URB1: variants seen among roughly 807,000 people sequenced by gnomAD.
The protein encoded by URB1 is nucleolar pre-ribosomal-associated protein 1.
A neutral mutation model predicts 242.3 loss-of-function variants in URB1; 197 were observed. The ratio of observed to expected loss-of-function variants is 0.81; its 90% CI spans 0.72 to 0.91. The LOEUF (loss-of-function observed/expected upper bound fraction) is 0.91, where lower values mean the gene tolerates loss of function less well. URB1 is among the 40% of genes least tolerant of loss of function. The probability of loss-of-function intolerance (pLI) is 0.00; values close to 1 mark genes in which losing one functional copy is unlikely to be tolerated. For missense variants in URB1, 2,721 were observed against 2,860.5 expected (o/e 0.95, Z 1.11); for synonymous variants, 1,153 against 1,201.8 (o/e 0.96, Z 0.84).
Position 32,325,383 on chromosome 21 carries a change from A to C in URB1, c.4967T>G (p.Val1656Gly). The C allele has an allele frequency of 1.3e-6, 2 of 1,549,524 alleles. No individual in the cohort carries two copies. Among genetic ancestry groups the C allele is most frequent in the South Asian group, 1.2e-5 (1 of 83,998 alleles). The stretch of plus-strand genomic sequence containing the variant: ...ATCCAAAAATTTTCGACAATCCACC[A>C]CAAACTCTGCAGGAAATGAAATACA... ...LFSELTRPEF[V>G]VDCRKFLDSN... The change falls in exon 31 of 39, where the codon GTG becomes GGG. Residue 1656 changes from valine to glycine, a missense_variant. Physicochemically the swap from Val to Gly is moderately radical, Grantham distance 109 (BLOSUM62 -3). Coordinates refer to ENST00000382751, the MANE Select transcript of URB1 (RefSeq NM_014825.3).
rs1466234508 is a variant in URB1 at position 32,349,484 on chromosome 21, C to G, written c.2833-1G>C. On this transcript the variant is annotated splice_acceptor_variant, in intron 20 of 38. Coordinates refer to ENST00000382751, the MANE Select transcript of URB1 (RefSeq NM_014825.3). LOFTEE classifies it high-confidence loss of function. ...GGGGCGGGCCCACACTTCTGCCCAG[C>G]TGTGAGGACAAGAGCACGAGCCTCA... is the stretch of plus-strand genomic sequence containing the variant. 4 of 1,543,880 alleles carry G rather than the reference C, an allele frequency of 2.6e-6. No individual in the cohort carries two copies. The highest frequency in any genetic ancestry group is 3.5e-6 in the Non-Finnish European group (4 of 1,144,186).
At chr21:32,382,394 A>AT (rs2033536611) in intron 4 of URB1, among the ~76,000 whole-genome samples, 1 of 152,172 alleles carries the variant, frequency 6.6e-6, no homozygotes, top group Admixed American at 6.5e-5. Flanking sequence ...AAGACCTGGA[A>AT]TTTTTTTCCT....
chr21:32,360,985 T>C, intron 13 of URB1, 22 bp downstream of exon 13: 1 of 1,511,022 alleles, frequency 6.6e-7, no homozygotes, highest in Non-Finnish European at 8.9e-7. Flanking sequence ...TGGCGGCTTG[T>C]CTGCAAGACC....
At chr21:32,353,799 C>G in intron 18 of URB1, 134 bp downstream of exon 18, 1 of 1,077,536 alleles carries the variant, frequency 9.3e-7, no homozygotes, top group Non-Finnish European at 1.3e-6. Flanking sequence ...GGGTAGCTAT[C>G]ACTCTGGGGG....
At chr21:32,320,224 T>C (rs2032748414) in intron 35 of URB1, among the ~76,000 whole-genome samples, 1 of 150,998 alleles carries the variant, frequency 6.6e-6, no homozygotes, top group Non-Finnish European at 1.5e-5. Context: ...CGGGGAGGAG[T>C]CTGACCTGTG....
chr21:32,354,195 C>CAAAA, intron 17 of URB1, 92 bp from the exon 18 acceptor site: 1 of 1,454,674 alleles, frequency 6.9e-7, no homozygotes, highest in Non-Finnish European at 9.2e-7. Flanking sequence ...AGAATACGTG[C>CAAAA]AAAAAGAAAA....
At chr21:32,346,373 A>G (rs2033086242) in intron 22 of URB1, among the ~76,000 whole-genome samples, 2 of 152,234 alleles carry the variant, frequency 1.3e-5, no homozygotes, top group South Asian at 4.1e-4. Context: ...CTTGCAGGGC[A>G]CTGTCTTACT....
intron 8 of URB1, among the ~76,000 whole-genome samples, chr21:32,370,556 C>T (rs534518809): frequency 2.6e-5 from 4 of 152,198 alleles, no homozygotes; most frequent in South Asian, 2.1e-4. Flanking sequence ...GTTACCACCA[C>T]GTCTCTGCGA....
At chr21:32,388,131 G>A (rs1353684735) in intron 1 of URB1, among the ~76,000 whole-genome samples, 1 of 152,166 alleles carries the variant, frequency 6.6e-6, no homozygotes, top group Non-Finnish European at 1.5e-5. Flanking sequence ...AAACATACCA[G>A]AAAAGAACAA....
intron 21 of URB1, 43 bp downstream of exon 21, chr21:32,349,261 C>T: frequency 6.7e-7 from 1 of 1,482,682 alleles, no homozygotes; most frequent in African/African-American, 1.4e-5. Flanking sequence ...AAGCCACTGC[C>T]CATGACTCTG....
chr21:32,372,209 C>G (rs773232264), intron 8 of URB1, among the ~76,000 whole-genome samples: 3 of 152,236 alleles, frequency 2.0e-5, no homozygotes, highest in Non-Finnish European at 4.4e-5. Flanking sequence ...GCAAGGCAGA[C>G]GCCTTTTCTG....
intron 23 of URB1, 33 bp downstream of exon 23, chr21:32,345,341 G>A (rs2033074422): frequency 4.5e-6 from 7 of 1,541,202 alleles, no homozygotes; most frequent in Non-Finnish European, 6.1e-6. Flanking sequence ...CACCGAGAGT[G>A]GAACATCCTG....
At chr21:32,348,564 C>A (rs1478306308) in intron 21 of URB1, among the ~76,000 whole-genome samples, 1 of 152,202 alleles carries the variant, frequency 6.6e-6, no homozygotes, top group East Asian at 1.9e-4. Context: ...CGATTCCTCG[C>A]CAACGACACT....
Position 32,347,830 on chromosome 21 carries a change from G to A in URB1, c.3013-19C>T, listed in dbSNP as rs112158770. On this transcript the variant is annotated intron_variant, in intron 21 of 38. Transcript: ENST00000382751. The stretch of plus-strand genomic sequence containing the variant: ...CCAGCGTCTGAAAGGCAGTGACGAG[G>A]CACAGACGTCACATAGAGCACAGGG... The A allele has an allele frequency of 2.3e-5, 35 of 1,529,382 alleles. No homozygotes were observed. The highest frequency in any genetic ancestry group is 1.1e-4 in the African/African-American group (8 of 72,890). The allele number at this position is 1,529,382 out of a possible 1,614,324, so 94.7% of individuals were successfully genotyped here.
In URB1 at chr21:32,349,318, A is replaced by C; in HGVS notation, c.2998T>G (p.Leu1000Val). Residue 1000 changes from leucine to valine, a missense_variant, in exon 21 of 39, where the codon TTG becomes GTG. Leu to Val is a conservative substitution (Grantham distance 32). Coordinates refer to ENST00000382751, the MANE Select transcript of URB1 (RefSeq NM_014825.3). ...TGTGGCGGTACCTGATCATTGGCCAACTCCAGCGAGGCCACGGACTCCATG... is the reference window on the plus strand; with the variant it reads ...TGTGGCGGTACCTGATCATTGGCCACCTCCAGCGAGGCCACGGACTCCATG... ...LDMESVASLE[L>V]ANDQTLEEVL... 2.6e-6 allele frequency: 4 copies of C among 1,544,970 alleles called. No homozygotes were observed. In the South Asian group the frequency reaches 4.8e-5, roughly 19 times the overall value.
rs73903316 is a variant in URB1 at position 32,385,699 on chromosome 21, A to G, written c.143-15T>C. 349 of 1,550,048 alleles carry G rather than the reference A, an allele frequency of 2.3e-4. 1 individual carries two copies. In the African/African-American group the frequency reaches 4.4e-3, roughly 20 times the overall value. On this transcript the variant is annotated splice_polypyrimidine_tract_variant and intron_variant, in intron 1 of 38. Coordinates refer to ENST00000382751, the MANE Select transcript of URB1 (RefSeq NM_014825.3). ...CGCTTCCAAGCCTGAAAAAAAAGTT[A>G]TGTTCAAACATTAACAAGGTCAGTC... is the stretch of plus-strand genomic sequence containing the variant.
In URB1 at chr21:32,316,848, G is replaced by A. The variant is rs1568806036; in HGVS notation, c.6252C>T (p.Ser2084=). The change falls in exon 38 of 39, where the codon AGC becomes AGT. Residue 2084 remains serine (S), a synonymous_variant. Transcript: ENST00000382751. ...DPTQEPVDSA[S]PESDAPGPVY... ...CGGGGCCTGGCGCATCGCTCTCGGG[G>A]CTGGCTGAGTCCACAGGCTCCTGAG... 1.9e-6 allele frequency: 3 copies of A among 1,549,328 alleles called. No individual in the cohort carries two copies. The highest frequency in any genetic ancestry group is 1.2e-5 in the South Asian group (1 of 83,928).
intron 31 of URB1, 52 bp downstream of exon 31, chr21:32,325,177 T>C: frequency 6.6e-7 from 1 of 1,509,378 alleles, no homozygotes; most frequent in Non-Finnish European, 8.9e-7. Context: ...GCCAGCTCTC[T>C]GAAGTCCGCC....
Position 32,354,023 on chromosome 21 carries a change from T to C in URB1, c.2326A>G (p.Met776Val), listed in dbSNP as rs1289213747. 4 of 1,551,770 alleles carry C rather than the reference T, an allele frequency of 2.6e-6. No homozygotes were observed. Among genetic ancestry groups the C allele is most frequent in the African/African-American group, 1.4e-5 (1 of 73,172 alleles). The change falls in exon 18 of 39, where the codon ATG (methionine) becomes GTG (valine). Residue 776 changes from methionine to valine, a missense_variant. Physicochemically the swap from Met to Val is conservative, Grantham distance 21. Transcript: ENST00000382751. ...CTGAATGGGAACGTGAGCAGGATCA[T>C]GTCTTCACTCAACGTGAACCCTATT... ...EEIGFTLSED[M>V]ILLTFPFSAV... is the part of the protein sequence containing the mutation.
Sources: gnomAD v4.1 joint callset for allele counts (sites outside exome capture counted in the v4.1 genomes callset) on GRCh38, gnomAD v4.1.1 for gene constraint, MANE v1.5 for transcripts, NCBI Gene and HGNC (gene_info 2026-07-23, HGNC 2026-07-21) for gene names.